NSD2: variants seen among roughly 807,000 people sequenced by gnomAD.
NSD2 encodes nuclear receptor binding SET domain protein 2.
A neutral mutation model predicts 139.0 loss-of-function variants in NSD2; 12 were observed. The observed-to-expected ratio is 0.09, with a 90% CI of 0.06 to 0.14. NSD2 has a LOEUF of 0.14. NSD2 is among the 10% of genes least tolerant of loss of function. The pLI is 1.00. For synonymous variants in NSD2, 669 were observed against 648.7 expected (o/e 1.03, Z -0.48); for missense variants, 1,155 against 1,745.0 (o/e 0.66, Z 6.02).
chr4:1,929,235 GAGGCTAT>G (rs1342287300), intron 5 of NSD2, among the ~76,000 whole-genome samples: 1 of 152,050 alleles, frequency 6.6e-6, no homozygotes, highest in Non-Finnish European at 1.5e-5. Flanking sequence ...GGGGCCATGG[GAGGCTAT>G]AAGAAGCCGT....
intron 1 of NSD2, among the ~76,000 whole-genome samples, chr4:1,881,520 C>T (rs1424128684): frequency 6.6e-6 from 1 of 152,176 alleles, no homozygotes; most frequent in East Asian, 1.9e-4. Context: ...GCCTCGGCCT[C>T]CCAAAGTGCT....
chr4:1,910,008 A>G (rs537741491), intron 3 of NSD2, among the ~76,000 whole-genome samples: 1 of 152,172 alleles, frequency 6.6e-6, no homozygotes, highest in Non-Finnish European at 1.5e-5. Flanking sequence ...CGTGTATCTT[A>G]GTAATATACT....
chr4:1,882,179 G>T (rs1351640946), intron 1 of NSD2, among the ~76,000 whole-genome samples: 1 of 152,170 alleles, frequency 6.6e-6, no homozygotes, highest in Non-Finnish European at 1.5e-5. Context: ...CCTTTCCTTT[G>T]TCCCTGCTTT....
At chr4:1,953,020 A>G in intron 11 of NSD2, 1 of 1,441,752 alleles carries the variant, frequency 6.9e-7, no homozygotes, top group Non-Finnish European at 9.0e-7. Context: ...GCCTCTTTTC[A>G]TAGGAGCCCC....
In NSD2 at chr4:1,980,802, G is replaced by A. The variant is rs1727684389; in HGVS notation, c.*1893G>A. 2 of 233,218 alleles carry A rather than the reference G, an allele frequency of 8.6e-6. No homozygotes were observed. The highest frequency in any genetic ancestry group is 5.6e-5 in the Admixed American group (1 of 17,790). 14.4% of individuals were successfully genotyped at this position (233,218 alleles called of 1,614,324 possible). On this transcript the variant is annotated 3_prime_UTR_variant, in exon 22 of 22. Transcript: ENST00000508803. ...AGGGGCACTCGCCGGTTAAGACAGG[G>A]TGGGAGTAGTGCTTTCCAGTTCAGA...
Position 1,904,395 on chromosome 4 carries a change from G to T in NSD2, c.760+17G>T, listed in dbSNP as rs759937519. 1 of 1,588,802 alleles carries T rather than the reference G, an allele frequency of 6.3e-7. No homozygotes were observed. Among genetic ancestry groups the T allele is most frequent in the Non-Finnish European group, 8.6e-7 (1 of 1,165,718 alleles). ...AACTTAAAGGTATTGTGTTCTTTGG[G>T]TTGTTTTTCCAACTTTCTCTTCTGC... On this transcript the variant is annotated intron_variant, in intron 3 of 21. Coordinates refer to ENST00000508803, the MANE Select transcript of NSD2 (RefSeq NM_001042424.3).
At chr4:1,878,387 C>T (rs912558019) in intron 1 of NSD2, among the ~76,000 whole-genome samples, 11 of 149,030 alleles carry the variant, frequency 7.4e-5, no homozygotes, top group African/African-American at 2.5e-4. Flanking sequence ...GGATTACAGG[C>T]GTAAGCCACC....
chr4:1,975,281 CCT>C lies in NSD2; in HGVS notation c.3515-10_3515-9del, dbSNP rs1560812101. ...GGTGTTTCCAATTTGGTGTCTGTCT[CCT>C]CTTCTCCCAGGGACGGAGCTGACTT... On this transcript the variant is annotated splice_polypyrimidine_tract_variant and intron_variant, in intron 19 of 21. Coordinates refer to ENST00000508803, the MANE Select transcript of NSD2 (RefSeq NM_001042424.3). 1 of 1,613,524 alleles carries C rather than the reference CCT, an allele frequency of 6.2e-7. No homozygotes were observed. Among genetic ancestry groups the C allele is most frequent in the Admixed American group, 1.7e-5 (1 of 60,010 alleles).
Position 1,938,484 on chromosome 4 carries a change from A to C in NSD2, c.1708A>C (p.Ser570Arg). The stretch of plus-strand genomic sequence containing the variant: ...AATCACTGACAAAACGGCCAGAACA[A>C]GCTCTTACAAGGCCATGGAGGCAGC... ...DTITDKTART[S>R]SYKAMEAASS... Residue 570 changes from serine to arginine, a missense_variant, in exon 8 of 22, where the codon AGC becomes CGC. This residue lies in a region of NSD2 where 420 missense variants were observed against 469.0 expected (regional missense o/e 0.90). Transcript: ENST00000508803. 1.3e-5 allele frequency: 21 copies of C among 1,589,482 alleles called. No homozygotes were observed. The highest frequency in any genetic ancestry group is 1.8e-5 in the Non-Finnish European group (21 of 1,171,704).
At chr4:1,960,980 C>A in intron 17 of NSD2, 55 bp from the exon 18 acceptor site, 1 of 1,458,076 alleles carries the variant, frequency 6.9e-7, no homozygotes, top group Non-Finnish European at 9.6e-7. Flanking sequence ...TGAGCCCCGA[C>A]ACTGAGGATT....
chr4:1,956,246 A>G lies in NSD2; in HGVS notation c.2881+58A>G. ...CACTCTCGTGCATTTTCTTACCCCTAATTTCTATTTTTTAAAATTTGATCT... is the reference window on the plus strand; with the variant it reads ...CACTCTCGTGCATTTTCTTACCCCTGATTTCTATTTTTTAAAATTTGATCT... On this transcript the variant is annotated intron_variant, in intron 15 of 21. Coordinates refer to ENST00000508803, the MANE Select transcript of NSD2 (RefSeq NM_001042424.3). This position sits in a 1 kb window ranked among gnomAD's most constrained non-coding sequence, Gnocchi z 5.3. 1 of 1,433,306 alleles carries G rather than the reference A, an allele frequency of 7.0e-7. No homozygotes were observed. The highest frequency in any genetic ancestry group is 9.4e-7 in the Non-Finnish European group (1 of 1,069,260). 88.8% of individuals were successfully genotyped at this position (1,433,306 alleles called of 1,614,324 possible).
rs776755162 is a variant in NSD2, at chr4:1,978,687, G to T, written c.3876G>T (p.Ser1292=). The T allele has an allele frequency of 1.9e-6, 3 of 1,613,996 alleles. No individual in the cohort carries two copies. The East Asian group carries it at 6.7e-5, about 36-fold the overall frequency. The stretch of plus-strand genomic sequence containing the variant: ...ATTGTGACGTGTGTGGCAAACCTTC[G>T]ACTTCATTTTGCCACCTCTGCCCCA... ...WHHCDVCGKP[S]TSFCHLCPNS... is the part of the protein sequence containing the mutation. Residue 1292 remains serine (S), a synonymous_variant, in exon 22 of 22, where the codon TCG becomes TCT. Transcript: ENST00000508803.
chr4:1,968,101 T>A (rs1326961216), intron 18 of NSD2, among the ~76,000 whole-genome samples: 2 of 152,222 alleles, frequency 1.3e-5, no homozygotes, highest in Non-Finnish European at 2.9e-5. Context: ...AGACCTTGCA[T>A]TCTAGTGCTC....
At chr4:1,934,304 C>T (rs1014218523) in intron 6 of NSD2, among the ~76,000 whole-genome samples, 1 of 151,456 alleles carries the variant, frequency 6.6e-6, no homozygotes, top group African/African-American at 2.4e-5. Flanking sequence ...AGGCTGGTCT[C>T]AAACTCCCGA....
intron 9 of NSD2, chr4:1,946,264 T>TTA (rs1723618347): frequency 1.1e-6 from 1 of 930,162 alleles, no homozygotes; most frequent in South Asian, 5.1e-5. Context: ...ATTTATTATT[T>TTA]ATTTATTTAT....
At chr4:1,901,291 A>G in intron 2 of NSD2, 40 bp downstream of exon 2, 2 of 1,514,990 alleles carry the variant, frequency 1.3e-6, no homozygotes, top group Non-Finnish European at 1.8e-6. Flanking sequence ...TGTGACCTTG[A>G]GCAGTGAGCA....
At chr4:1,883,511 A>G (rs1714854533) in intron 1 of NSD2, among the ~76,000 whole-genome samples, 1 of 152,098 alleles carries the variant, frequency 6.6e-6, no homozygotes, top group Non-Finnish European at 1.5e-5. Context: ...GCACACCTGT[A>G]ACCCCAGCTA....
In NSD2 at chr4:1,958,129, G is replaced by C; in HGVS notation, c.2985+93G>C. 3 of 1,281,056 alleles carry C rather than the reference G, an allele frequency of 2.3e-6. No homozygotes were observed. The highest frequency in any genetic ancestry group is 2.2e-6 in the Non-Finnish European group (2 of 905,444). The allele number at this position is 1,281,056 out of a possible 1,614,324, so 79.4% of individuals were successfully genotyped here. A position where few individuals can be genotyped will look rare whatever the true frequency, so the allele number is the denominator to read the frequency against. ...GGCACACCCAGGCTATGGCTGGGGA[G>C]AGGACTGTCACCAGCCAGGATCTGT... On this transcript the variant is annotated intron_variant, in intron 16 of 21. Transcript: ENST00000508803. The surrounding 1 kb of genome is among the most constrained non-coding windows in gnomAD (Gnocchi z 4.6).
intron 10 of NSD2, among the ~76,000 whole-genome samples, chr4:1,951,445 CACACACACACACACACACA>C (rs1560745562): frequency 0.065 from 6,492 of 99,556 alleles, 1,043 homozygotes; most frequent in Middle Eastern, 0.079. Context: ...TCATGTAATA[CACACACACACACACACACA>C]CACACACACA....
Sources: gnomAD v4.1 joint callset for allele counts (sites outside exome capture counted in the v4.1 genomes callset) on GRCh38, gnomAD v4.1.1 for gene constraint, gnomAD v4.1.1 regional missense constraint, Gnocchi (gnomAD v3.1) non-coding constraint, MANE v1.5 for transcripts, NCBI Gene and HGNC (gene_info 2026-07-23, HGNC 2026-07-21) for gene names.